Variants in MORF4L1 observed in about 807,000 individuals in gnomAD.
The protein encoded by MORF4L1 is mortality factor 4-like protein 1.
A neutral mutation model predicts 52.9 loss-of-function variants in MORF4L1; 4 were observed. The ratio of observed to expected loss-of-function variants is 0.08; its 90% CI spans 0.04 to 0.17. The LOEUF (loss-of-function observed/expected upper bound fraction) is 0.17. Ranked by LOEUF, MORF4L1 falls within the 10% of genes least tolerant of loss-of-function variation. The probability of loss-of-function intolerance (pLI) is 1.00; values close to 1 mark genes in which losing one functional copy is unlikely to be tolerated. For missense variants in MORF4L1, 214 were observed against 390.4 expected, an observed-to-expected ratio of 0.55 and a Z score of 3.81; for synonymous variants, 123 against 134.8, an observed-to-expected ratio of 0.91 and a Z score of 0.61.
chr15:78,874,806 A>G (rs1467763533), intron 1 of MORF4L1, among the ~76,000 whole-genome samples: 1 of 120,860 alleles, frequency 8.3e-6, no homozygotes, highest in Non-Finnish European at 1.8e-5. Flanking sequence ...ATTTTACTAG[A>G]CATTTTAGAG....
rs559386667 is a variant in MORF4L1, at chr15:78,897,001, T to C, written c.906T>C (p.Ser302=). The change falls in exon 12 of 12, where the codon TCT becomes TCC. Residue 302 remains serine (S), a synonymous_variant. Transcript: ENST00000426013. ...HDFLKYLAKN[S]ATLFSASDYE... is the part of the protein sequence containing the mutation. ...TTTTTAGGTACCTGGCAAAGAATTC[T>C]GCAACTTTGTTCAGTGCCAGCGATT... is the stretch of plus-strand genomic sequence containing the variant. 14 of 1,613,226 alleles carry C rather than the reference T, an allele frequency of 8.7e-6. No homozygotes were observed. The East Asian group carries it at 2.2e-4, about 26-fold the overall frequency.
intron 4 of MORF4L1, 47 bp from the exon 5 acceptor site, chr15:78,887,222 A>G (rs2056721972): frequency 1.3e-6 from 2 of 1,508,078 alleles, no homozygotes; most frequent in Non-Finnish European, 1.8e-6. Context: ...TTTTTTTTTC[A>G]CATAAATGCT....
At chr15:78,879,942 G>T (rs1041683957) in intron 2 of MORF4L1, among the ~76,000 whole-genome samples, 1 of 152,226 alleles carries the variant, frequency 6.6e-6, no homozygotes, top group Admixed American at 6.5e-5. Flanking sequence ...TTAAACTGTT[G>T]TGGTTATTTT....
At chr15:78,893,220 T>A (rs987928405) in intron 8 of MORF4L1, among the ~76,000 whole-genome samples, 1 of 152,232 alleles carries the variant, frequency 6.6e-6, no homozygotes, top group South Asian at 2.1e-4. Flanking sequence ...GTGTGACAGA[T>A]TGACATTTTT....
chr15:78,879,161 A>G (rs1225855197), intron 2 of MORF4L1, among the ~76,000 whole-genome samples: 2 of 152,164 alleles, frequency 1.3e-5, no homozygotes, highest in Admixed American at 1.3e-4. Flanking sequence ...GCTTGAGCCC[A>G]GGAGTTCAAG....
chr15:78,887,708 A>T (rs1435375244), intron 5 of MORF4L1, among the ~76,000 whole-genome samples: 2 of 152,228 alleles, frequency 1.3e-5, no homozygotes, highest in Non-Finnish European at 2.9e-5. Flanking sequence ...CACTTTGGTG[A>T]AACTCATGGT....
intron 2 of MORF4L1, among the ~76,000 whole-genome samples, chr15:78,880,192 C>G (rs1049661512): frequency 1.3e-5 from 2 of 152,284 alleles, no homozygotes; most frequent in Non-Finnish European, 2.9e-5. Flanking sequence ...GAGGAATTTG[C>G]TTTTGAAATA....
chr15:78,875,629 A>G (rs1237265186), intron 1 of MORF4L1, among the ~76,000 whole-genome samples: 2 of 151,884 alleles, frequency 1.3e-5, no homozygotes, highest in African/African-American at 4.8e-5. Context: ...TCTACTAAAA[A>G]TACAAAAATT....
intron 1 of MORF4L1, among the ~76,000 whole-genome samples, chr15:78,873,372 C>T (rs1457594554): frequency 6.8e-6 from 1 of 146,618 alleles, no homozygotes; most frequent in Non-Finnish European, 1.5e-5. Flanking sequence ...TGTAGGGAGG[C>T]GACGGGAGCG....
chr15:78,883,990 G>A (rs2056648650), intron 3 of MORF4L1, among the ~76,000 whole-genome samples: 1 of 151,816 alleles, frequency 6.6e-6, no homozygotes, highest in Admixed American at 6.6e-5. Context: ...CAGATCACAA[G>A]GTCAGGAGTT....
intron 11 of MORF4L1, among the ~76,000 whole-genome samples, chr15:78,895,945 G>A (rs549924063): frequency 4.7e-4 from 71 of 151,904 alleles, no homozygotes; most frequent in African/African-American, 1.6e-3. Context: ...TCTACTACTT[G>A]ACATTTCACG....
In MORF4L1 at chr15:78,880,505, A is replaced by G; in HGVS notation, c.88-7A>G. 6.3e-7 allele frequency: 1 copy of G among 1,580,344 alleles called. No individual in the cohort carries two copies. The highest frequency in any genetic ancestry group is 8.6e-7 in the Non-Finnish European group (1 of 1,165,062). On this transcript the variant is annotated splice_region_variant and splice_polypyrimidine_tract_variant and intron_variant, in intron 2 of 11. Coordinates refer to ENST00000426013, the MANE Select transcript of MORF4L1 (RefSeq NM_006791.4). ...AAGTGAATTATTATTTTTTTTTTGA[A>G]TTTCAGTGTGTAAAGGTTGCCATAA...
intron 5 of MORF4L1, among the ~76,000 whole-genome samples, chr15:78,889,738 ATAAGT>A (rs1239937106): frequency 1.3e-5 from 2 of 152,212 alleles, no homozygotes; most frequent in Non-Finnish European, 2.9e-5. Flanking sequence ...ATATCCAAAC[ATAAGT>A]TAATTTGAAT....
At chr15:78,882,433 AG>A (rs1369165985) in intron 3 of MORF4L1, among the ~76,000 whole-genome samples, 3 of 152,264 alleles carry the variant, frequency 2.0e-5, no homozygotes, top group African/African-American at 7.2e-5. Flanking sequence ...AAAATAATGG[AG>A]AAAACTGTCT....
At chr15:78,881,847 C>T (rs576987122) in intron 3 of MORF4L1, among the ~76,000 whole-genome samples, 1 of 152,232 alleles carries the variant, frequency 6.6e-6, no homozygotes, top group African/African-American at 2.4e-5. Flanking sequence ...GGCTCTTTTA[C>T]CTGGTTTACT....
chr15:78,888,953 C>T (rs1009586847), intron 5 of MORF4L1, among the ~76,000 whole-genome samples: 1 of 152,054 alleles, frequency 6.6e-6, no homozygotes, highest in African/African-American at 2.4e-5. Context: ...GTAATTATGT[C>T]TTAAAAGGCA....
intron 3 of MORF4L1, among the ~76,000 whole-genome samples, chr15:78,883,675 T>G (rs527765961): frequency 6.6e-6 from 1 of 152,214 alleles, no homozygotes; most frequent in Non-Finnish European, 1.5e-5. Context: ...TCTTTGTAGA[T>G]GTATTGAGGA....
At chr15:78,883,544 G>T (rs565416189) in intron 3 of MORF4L1, among the ~76,000 whole-genome samples, 2 of 152,170 alleles carry the variant, frequency 1.3e-5, no homozygotes, top group Non-Finnish European at 2.9e-5. Context: ...TTGTAGTCCA[G>T]TAACTCAAAG....
intron 8 of MORF4L1, chr15:78,892,611 CTTA>C: frequency 8.6e-6 from 2 of 231,628 alleles, no homozygotes; most frequent in East Asian, 9.9e-5. Flanking sequence ...AAGCATATGT[CTTA>C]CTGTCATTGC....
Sources: allele counts gnomAD v4.1 joint callset (sites outside exome capture counted in the v4.1 genomes callset), GRCh38; gene constraint gnomAD v4.1.1; transcripts MANE v1.5; gene names NCBI Gene and HGNC (gene_info 2026-07-23, HGNC 2026-07-21).